The following MACROD2 variants were observed in gnomAD, a reference collection of about 807,000 sequenced individuals.
MACROD2 encodes ADP-ribose glycohydrolase MACROD2.
In MACROD2, 36 loss-of-function variants were observed where a neutral mutation model predicts 70.4. The observed-to-expected ratio is 0.51, with a 90% CI of 0.39 to 0.68. MACROD2 has a LOEUF of 0.68. Among genes scored for constraint, MACROD2 ranks in the 30% least tolerant of loss-of-function variants. The pLI, the probability that MACROD2 is intolerant of heterozygous loss-of-function variation, is 0.00. For missense variants in MACROD2, 496 were observed against 538.4 expected, an observed-to-expected ratio of 0.92 and a Z score of 0.78; for synonymous variants, 172 against 178.8, an observed-to-expected ratio of 0.96 and a Z score of 0.30.
At chr20:14,245,631 G>A (rs2122248733) in intron 3 of MACROD2, among the ~76,000 whole-genome samples, 2 of 152,254 alleles carry the variant, frequency 1.3e-5, no homozygotes, top group South Asian at 4.1e-4. Flanking sequence ...TCAAAGAGCA[G>A]AATTAAAGAA....
intron 5 of MACROD2, among the ~76,000 whole-genome samples, chr20:14,937,285 T>C (rs2074348667): frequency 6.6e-6 from 1 of 151,348 alleles, no homozygotes; most frequent in Non-Finnish European, 1.5e-5. Flanking sequence ...AGGGGGTGAG[T>C]GTGCAGGCAG....
At chr20:14,072,044 A>T (rs73269410) in intron 2 of MACROD2, among the ~76,000 whole-genome samples, 2,855 of 152,338 alleles carry the variant, frequency 0.019, 93 homozygotes, top group African/African-American at 0.064. Context: ...AGAAGAAAAC[A>T]TAAATAGAAG....
chr20:15,800,150 G>T (rs2063711058), intron 8 of MACROD2, among the ~76,000 whole-genome samples: 1 of 152,036 alleles, frequency 6.6e-6, no homozygotes, highest in African/African-American at 2.4e-5. Context: ...TCTTTTTGCT[G>T]TTGAGTTGTT....
chr20:15,626,597 G>T (rs537002715), intron 8 of MACROD2, among the ~76,000 whole-genome samples: 1 of 152,336 alleles, frequency 6.6e-6, no homozygotes, highest in Non-Finnish European at 1.5e-5. Context: ...GCTCATGCCT[G>T]TAATGCCAGC....
intron 4 of MACROD2, among the ~76,000 whole-genome samples, chr20:14,675,156 C>T (rs1461342161): frequency 6.6e-6 from 1 of 152,088 alleles, no homozygotes; most frequent in African/African-American, 2.4e-5. Flanking sequence ...GAGAACTTCC[C>T]CAAACTAGAA....
chr20:14,320,812 G>A (rs36117112), intron 3 of MACROD2, among the ~76,000 whole-genome samples: 29,192 of 151,838 alleles, frequency 0.19, 3,066 homozygotes, highest in South Asian at 0.34. Context: ...ACCAAGGCCA[G>A]GGTTGAGAAA....
intron 3 of MACROD2, among the ~76,000 whole-genome samples, chr20:14,313,701 G>T (rs2082588273): frequency 6.6e-6 from 1 of 152,068 alleles, no homozygotes; most frequent in Non-Finnish European, 1.5e-5. Flanking sequence ...CATCATAGAA[G>T]AATTTTCTGA....
intron 3 of MACROD2, among the ~76,000 whole-genome samples, chr20:14,483,129 G>T (rs1428491013): frequency 6.6e-6 from 1 of 152,108 alleles, no homozygotes; most frequent in Non-Finnish European, 1.5e-5. Context: ...GTAATTATCT[G>T]GTGATTACTT....
chr20:14,965,227 C>T (rs911585761), intron 5 of MACROD2, among the ~76,000 whole-genome samples: 3 of 152,046 alleles, frequency 2.0e-5, no homozygotes, highest in African/African-American at 4.8e-5. Flanking sequence ...TATCCTCTTC[C>T]GTCTTGACCA....
intron 8 of MACROD2, among the ~76,000 whole-genome samples, chr20:15,547,971 A>C (rs575810116): frequency 2.6e-5 from 4 of 152,156 alleles, no homozygotes; most frequent in African/African-American, 9.6e-5. Context: ...GATGTTTGCA[A>C]CTCTGGTCAT....
At chr20:15,511,335 C>T (rs2047496535) in intron 8 of MACROD2, among the ~76,000 whole-genome samples, 1 of 152,132 alleles carries the variant, frequency 6.6e-6, no homozygotes, top group Admixed American at 6.5e-5. Context: ...TCACATGTTC[C>T]TTAGCTTCTT....
chr20:14,824,585 T>G (rs1001611052), intron 5 of MACROD2, among the ~76,000 whole-genome samples: 2 of 152,078 alleles, frequency 1.3e-5, no homozygotes, highest in African/African-American at 4.8e-5. Flanking sequence ...TCTCCTCACG[T>G]GACCTCTCCA....
At chr20:15,596,546 A>C (rs981920269) in intron 8 of MACROD2, among the ~76,000 whole-genome samples, 2 of 152,220 alleles carry the variant, frequency 1.3e-5, no homozygotes, top group African/African-American at 2.4e-5. Context: ...AACACATATT[A>C]TTTAGGAAAT....
At chr20:15,073,782 C>T (rs2075637320) in intron 5 of MACROD2, among the ~76,000 whole-genome samples, 1 of 152,120 alleles carries the variant, frequency 6.6e-6, no homozygotes, top group Non-Finnish European at 1.5e-5. Flanking sequence ...GTATTTAATT[C>T]ACAGAAGCTG....
At position 15,064,500 on chromosome 20, in the gene MACROD2, A is replaced by T. The variant is rs2075558439; in HGVS notation, c.419-165440A>T. On this transcript the variant is annotated intron_variant, in intron 5 of 17. Transcript: ENST00000684519. The stretch of plus-strand genomic sequence containing the variant: ...TCACATTGAAGTTCTTATAATGCAG[A>T]ATCTCCCTGAAACTTCTAATGGGTT... Among the ~76,000 whole-genome samples the T allele has an allele frequency of 2.0e-5, 3 of 152,182 alleles. No individual in the cohort carries two copies. In the South Asian group the frequency reaches 6.2e-4, roughly 32 times the overall value.
In MACROD2 at chr20:15,579,954, T is replaced by C. The variant is rs186462919; in HGVS notation, c.645+80107T>C. On this transcript the variant is annotated intron_variant, in intron 8 of 17. Transcript: ENST00000684519. ...CTCAGCAAATTTATGGTGGTAATTA[T>C]GAGTACTTGCATCACTTCCGGAATG... is the stretch of plus-strand genomic sequence containing the variant. Among the ~76,000 whole-genome samples the C allele has an allele frequency of 2.0e-5, 3 of 152,338 alleles. No individual in the cohort carries two copies. The East Asian group carries it at 5.8e-4, about 29-fold the overall frequency.
At chr20:16,003,265 C>T (rs2066740379) in intron 15 of MACROD2, among the ~76,000 whole-genome samples, 1 of 152,018 alleles carries the variant, frequency 6.6e-6, no homozygotes, top group South Asian at 2.1e-4. Context: ...TCCTGAGCTC[C>T]CCTTCGAGTA....
intron 3 of MACROD2, among the ~76,000 whole-genome samples, chr20:14,236,629 G>A (rs761361790): frequency 1.3e-5 from 2 of 151,850 alleles, no homozygotes; most frequent in Non-Finnish European, 2.9e-5. Flanking sequence ...AAAATTTGAC[G>A]TCAAAGATAA....
At position 16,027,251 on chromosome 20, in the gene MACROD2, C is replaced by A. The variant is rs569479746; in HGVS notation, c.1154-13950C>A. 1.2e-4 allele frequency among the ~76,000 whole-genome samples: 14 copies of A among 117,864 alleles called. No individual in the cohort carries two copies. In the South Asian group the frequency reaches 4.1e-3, roughly 35 times the overall value. The allele number at this position is 117,864 out of a possible 152,430, so 77.3% of individuals were successfully genotyped here. ...AGTTCAGAGCCCTCAGACAGCCTTC[C>A]TCTAATGCTTCTGTAAACCAGCAAG... On this transcript the variant is annotated intron_variant, in intron 15 of 17. Transcript: ENST00000684519.
Sources: allele counts gnomAD v4.1 joint callset (sites outside exome capture counted in the v4.1 genomes callset), GRCh38; gene constraint gnomAD v4.1.1; transcripts MANE v1.5; gene names NCBI Gene and HGNC (gene_info 2026-07-23, HGNC 2026-07-21).